TRMT10B: variants seen among roughly 807,000 people sequenced by gnomAD.
TRMT10B encodes the protein tRNA methyltransferase 10 homolog B.
A neutral mutation model predicts 43.8 loss-of-function variants in TRMT10B; 33 were observed. The observed-to-expected ratio is 0.75, with a 90% confidence interval of 0.57 to 1.01. TRMT10B has a LOEUF of 1.01. TRMT10B is among the 50% of genes least tolerant of loss of function. The probability of loss-of-function intolerance (pLI) is 0.00; values close to 1 mark genes in which losing one functional copy is unlikely to be tolerated. For missense variants in TRMT10B, 362 were observed against 369.8 expected (o/e 0.98, Z 0.17); for synonymous variants, 137 against 130.6 (o/e 1.05, Z -0.34).
At chr9:37,773,558 G>A (rs1042881474) in intron 7 of TRMT10B, among the ~76,000 whole-genome samples, 3 of 152,156 alleles carry the variant, frequency 2.0e-5, no homozygotes, top group African/African-American at 7.2e-5. Flanking sequence ...AGTTAGGGTC[G>A]GGCGTGGTGG....
chr9:37,759,195 AAATGTTCAT>A (rs542971141), intron 1 of TRMT10B, among the ~76,000 whole-genome samples: 53 of 152,240 alleles, frequency 3.5e-4, no homozygotes, highest in Admixed American at 1.2e-3. Flanking sequence ...ACATCTATGA[AAATGTTCAT>A]AGCAGATTTA....
chr9:37,753,230 C>T (rs113628944), upstream of TRMT10B, among the ~76,000 whole-genome samples: 42 of 152,342 alleles, frequency 2.8e-4, no homozygotes, highest in African/African-American at 8.9e-4. Flanking sequence ...CGATGGTCCG[C>T]GGTTTCATTC....
intron 7 of TRMT10B, among the ~76,000 whole-genome samples, chr9:37,773,833 A>C (rs1157484115): frequency 6.6e-6 from 1 of 151,978 alleles, no homozygotes; most frequent in Admixed American, 6.6e-5. Flanking sequence ...ACTCTGTTTC[A>C]TACACACACA....
chr9:37,764,834 A>C (rs755054179), intron 4 of TRMT10B, among the ~76,000 whole-genome samples: 1 of 152,136 alleles, frequency 6.6e-6, no homozygotes, highest in Admixed American at 6.6e-5. Context: ...TGGACAGATG[A>C]GATTCACAGC....
chr9:37,775,239 T>TG (rs1369206840), intron 7 of TRMT10B, among the ~76,000 whole-genome samples: 11 of 152,194 alleles, frequency 7.2e-5, no homozygotes, highest in Non-Finnish European at 1.5e-4. Flanking sequence ...GAACAGACAA[T>TG]GAATGGGTGG....
At chr9:37,753,140 C>T (rs1233359078), upstream of TRMT10B, among the ~76,000 whole-genome samples, 3 of 151,922 alleles carry the variant, frequency 2.0e-5, no homozygotes, top group Non-Finnish European at 4.4e-5. Context: ...TCTGCAGCTT[C>T]ACTCCTGAAG....
chr9:37,774,647 G>A (rs901350924), intron 7 of TRMT10B, among the ~76,000 whole-genome samples: 1 of 152,126 alleles, frequency 6.6e-6, no homozygotes, highest in Non-Finnish European at 1.5e-5. Flanking sequence ...TAAAACAAAC[G>A]TATCATATAG....
intron 4 of TRMT10B, among the ~76,000 whole-genome samples, chr9:37,766,162 G>A (rs1826966693): frequency 6.6e-6 from 1 of 152,124 alleles, no homozygotes; most frequent in Admixed American, 6.5e-5. Flanking sequence ...CCATGCCTAT[G>A]TCCTGAATGG....
chr9:37,774,647 G>C (rs901350924), intron 7 of TRMT10B, among the ~76,000 whole-genome samples: 8 of 152,126 alleles, frequency 5.3e-5, no homozygotes, highest in Non-Finnish European at 8.8e-5. Flanking sequence ...TAAAACAAAC[G>C]TATCATATAG....
chr9:37,767,785 A>G (rs1406285728), intron 4 of TRMT10B, among the ~76,000 whole-genome samples: 1 of 152,208 alleles, frequency 6.6e-6, no homozygotes, highest in Non-Finnish European at 1.5e-5. Flanking sequence ...ATAGTATTAC[A>G]TAAGATTTTA....
intron 8 of TRMT10B, among the ~76,000 whole-genome samples, 194 bp from the exon 9 acceptor site, chr9:37,777,407 C>T (rs981756116): frequency 9.3e-5 from 14 of 150,466 alleles, no homozygotes; most frequent in Non-Finnish European, 7.4e-5. Context: ...CATTCATAGG[C>T]CTGTATCTTT....
chr9:37,758,331 G>A lies in TRMT10B; in HGVS notation c.-29-3572G>A, dbSNP rs56150556. ...TGAGGCTGGGGTGGGAGAATCACCC[G>A]AGCATGGGAGGTCAAGGCTGCAGTG... On this transcript the variant is annotated intron_variant, in intron 1 of 8. Coordinates refer to ENST00000297994, the MANE Select transcript of TRMT10B (RefSeq NM_144964.4). 9.0e-3 allele frequency among the ~76,000 whole-genome samples: 1,373 copies of A among 152,286 alleles called. 22 individuals are homozygous for A. Among genetic ancestry groups the A allele is most frequent in the African/African-American group, 0.032 (1,316 of 41,554 alleles).
intron 4 of TRMT10B, among the ~76,000 whole-genome samples, chr9:37,764,143 GTGTTTTTTGTTGT>G (rs945412344): frequency 3.3e-5 from 5 of 151,826 alleles, no homozygotes; most frequent in Non-Finnish European, 5.9e-5. Context: ...TGCAATGTGT[GTGTTTTTTGTTGT>G]TGTTTTTTTG....
At chr9:37,763,862 A>G (rs773355732) in intron 4 of TRMT10B, 109 bp downstream of exon 4, 1 of 1,595,448 alleles carries the variant, frequency 6.3e-7, no homozygotes, top group Non-Finnish European at 8.5e-7. Context: ...TCCTTAGTAA[A>G]CTAGTAAAGT....
At chr9:37,766,715 G>A (rs553237018) in intron 4 of TRMT10B, among the ~76,000 whole-genome samples, 35 of 152,350 alleles carry the variant, frequency 2.3e-4, no homozygotes, top group African/African-American at 7.7e-4. Context: ...CATGAGCATG[G>A]AATGTTCTTC....
chr9:37,757,006 C>CTTTTTT (rs11412966), intron 1 of TRMT10B, among the ~76,000 whole-genome samples: 2 of 147,340 alleles, frequency 1.4e-5, no homozygotes, highest in Admixed American at 1.4e-4. Context: ...TATCTCTTAA[C>CTTTTTT]TTTTTTTTTT....
chr9:37,764,315 ATTT>A (rs753115932), intron 4 of TRMT10B, among the ~76,000 whole-genome samples: 10 of 110,556 alleles, frequency 9.0e-5, no homozygotes, highest in Middle Eastern at 4.8e-3. Context: ...CGCCTGACAA[ATTT>A]TTTTTTTTTT....
At chr9:37,763,993 A>C (rs1412727878) in intron 4 of TRMT10B, 3 of 541,868 alleles carry the variant, frequency 5.5e-6, no homozygotes, top group Non-Finnish European at 9.2e-6. Flanking sequence ...TTTAAGCCCA[A>C]CATCTTTGCC....
intron 3 of TRMT10B, among the ~76,000 whole-genome samples, chr9:37,763,143 CAAAA>C (rs747893643): frequency 8.0e-5 from 4 of 50,214 alleles, no homozygotes; most frequent in East Asian, 7.8e-4. Flanking sequence ...GACTCTGTCT[CAAAA>C]AAAAAAAAAA....
Sources: gnomAD v4.1 joint callset for allele counts (sites outside exome capture counted in the v4.1 genomes callset) on GRCh38, gnomAD v4.1.1 for gene constraint, MANE v1.5 for transcripts, NCBI Gene and HGNC (gene_info 2026-07-23, HGNC 2026-07-21) for gene names.